PEAK1: variants seen among roughly 807,000 people sequenced by gnomAD.
The protein encoded by PEAK1 is inactive tyrosine-protein kinase PEAK1.
In PEAK1, 54 loss-of-function variants were observed where a neutral mutation model predicts 124.7. The observed-to-expected ratio is 0.43, with a 90% CI of 0.35 to 0.54. PEAK1 has a LOEUF of 0.54. PEAK1 is among the 20% of genes least tolerant of loss of function. PEAK1 has a pLI of 0.01. For synonymous variants in PEAK1, 719 were observed against 760.0 expected, an observed-to-expected ratio of 0.95 and a Z score of 0.89; for missense variants, 2,046 against 2,134.5, an observed-to-expected ratio of 0.96 and a Z score of 0.82.
intron 1 of PEAK1, among the ~76,000 whole-genome samples, chr15:77,379,340 T>A (rs2069289241): frequency 6.6e-6 from 1 of 152,204 alleles, no homozygotes. Flanking sequence ...CGTAAGAGAA[T>A]GTGAGTCACT....
chr15:77,135,728 T>C (rs574165848), intron 8 of PEAK1, among the ~76,000 whole-genome samples: 1 of 151,902 alleles, frequency 6.6e-6, no homozygotes, highest in African/African-American at 2.4e-5. Context: ...AAAAGAGGAG[T>C]TCCCCTGCAC....
At chr15:77,169,791 G>C (rs988660873) in intron 7 of PEAK1, among the ~76,000 whole-genome samples, 10 of 152,284 alleles carry the variant, frequency 6.6e-5, no homozygotes, top group African/African-American at 2.4e-4. Flanking sequence ...GGATGTTGGG[G>C]GTGAAGGAAA....
At chr15:77,105,716 T>TA (rs1555407999), downstream of PEAK1, 1 of 152,326 alleles carries the variant, frequency 6.6e-6, no homozygotes, top group Non-Finnish European at 1.5e-5. Flanking sequence ...GGTACACACT[T>TA]ACAACCCCAG....
intron 2 of PEAK1, among the ~76,000 whole-genome samples, chr15:77,312,501 T>C (rs1272898895): frequency 6.6e-6 from 1 of 152,192 alleles, no homozygotes; most frequent in Non-Finnish European, 1.5e-5. Context: ...TGGCTAAGAC[T>C]ATGTGTGGGG....
chr15:77,339,449 A>G (rs2066405150), intron 2 of PEAK1, among the ~76,000 whole-genome samples: 1 of 152,204 alleles, frequency 6.6e-6, no homozygotes, highest in South Asian at 2.1e-4. Context: ...TATGTTCTAA[A>G]TATTTTATAA....
Position 77,109,979 on chromosome 15 carries a change from T to C in PEAK1, c.*4177A>G, listed in dbSNP as rs548637567. 4.6e-5 allele frequency: 7 copies of C among 152,332 alleles called. No individual in the cohort carries two copies. The East Asian group carries it at 1.2e-3, about 25-fold the overall frequency. The allele number at this position is 152,332 out of a possible 1,614,324, so 9.4% of individuals were successfully genotyped here. Reference sequence around the variant, plus strand: ...TGGTAAAATCTAGAAGAAATCCTAATTGCAGTCAAATCTAGCGAAAACCCT... The same window carrying C: ...TGGTAAAATCTAGAAGAAATCCTAACTGCAGTCAAATCTAGCGAAAACCCT... On this transcript the variant is annotated 3_prime_UTR_variant, in exon 10 of 10. Transcript: ENST00000682557.
At chr15:77,268,871 A>C (rs1035550942) in intron 5 of PEAK1, among the ~76,000 whole-genome samples, 24 of 152,158 alleles carry the variant, frequency 1.6e-4, no homozygotes, top group African/African-American at 5.6e-4. Flanking sequence ...AGCCTCCTTA[A>C]ACAAAATAAT....
At chr15:77,196,193 G>A (rs1213065255) in intron 6 of PEAK1, among the ~76,000 whole-genome samples, 1 of 152,214 alleles carries the variant, frequency 6.6e-6, no homozygotes, top group Non-Finnish European at 1.5e-5. Context: ...TTGTCTGTCA[G>A]CCGGTGAAAG....
At chr15:77,382,627 A>C (rs2141833063) in intron 1 of PEAK1, among the ~76,000 whole-genome samples, 1 of 152,286 alleles carries the variant, frequency 6.6e-6, no homozygotes, top group East Asian at 1.9e-4. Flanking sequence ...AATGCTTGCC[A>C]CATTATAGGT....
chr15:77,348,930 C>A (rs142901367), intron 2 of PEAK1: 1 of 949,474 alleles, frequency 1.1e-6, no homozygotes, highest in South Asian at 4.9e-5. Context: ...GCATGACTTA[C>A]CATGTATGGA....
chr15:77,135,488 A>G (rs1368986292), intron 8 of PEAK1, among the ~76,000 whole-genome samples: 1 of 152,220 alleles, frequency 6.6e-6, no homozygotes, highest in Non-Finnish European at 1.5e-5. Flanking sequence ...GGTATAGCCC[A>G]CTGCTTATAG....
intron 6 of PEAK1, among the ~76,000 whole-genome samples, chr15:77,184,624 C>A (rs184922846): frequency 6.6e-6 from 1 of 152,180 alleles, no homozygotes; most frequent in African/African-American, 2.4e-5. Flanking sequence ...AGGCTGGGCG[C>A]GGTAGCTCAT....
intron 5 of PEAK1, among the ~76,000 whole-genome samples, chr15:77,264,837 C>T (rs1319084695): frequency 1.3e-5 from 2 of 151,878 alleles, no homozygotes; most frequent in Non-Finnish European, 2.9e-5. Context: ...AGGCATCACA[C>T]TACCTGACTT....
At chr15:77,350,817 T>A (rs1244668061) in intron 2 of PEAK1, 1 of 979,598 alleles carries the variant, frequency 1.0e-6, no homozygotes, top group Non-Finnish European at 1.2e-6. Flanking sequence ...CTAAAATTGA[T>A]AATTTGTAAT....
chr15:77,118,433 C>A (rs1321827479), intron 9 of PEAK1, among the ~76,000 whole-genome samples: 1 of 151,740 alleles, frequency 6.6e-6, no homozygotes, highest in Non-Finnish European at 1.5e-5. Flanking sequence ...AAAAAAAAAA[C>A]CTCAAAATGA....
chr15:77,337,723 G>C, intron 2 of PEAK1: 4 of 985,256 alleles, frequency 4.1e-6, no homozygotes, highest in Non-Finnish European at 3.6e-6. Flanking sequence ...TTATAGCACA[G>C]TTATGAACAT....
At chr15:77,266,602 A>G (rs2061746509) in intron 5 of PEAK1, among the ~76,000 whole-genome samples, 1 of 152,242 alleles carries the variant, frequency 6.6e-6, no homozygotes, top group South Asian at 2.1e-4. Flanking sequence ...TTGCCATATC[A>G]AGAATCAGGA....
At chr15:77,389,220 G>C (rs972285379) in intron 1 of PEAK1, among the ~76,000 whole-genome samples, 6 of 152,120 alleles carry the variant, frequency 3.9e-5, no homozygotes, top group Non-Finnish European at 7.3e-5. Context: ...CTCCCAAAGT[G>C]TTGGGATTAC....
intron 5 of PEAK1, among the ~76,000 whole-genome samples, chr15:77,253,471 G>C (rs562796436): frequency 1.3e-5 from 2 of 152,258 alleles, no homozygotes; most frequent in African/African-American, 4.8e-5. Context: ...CACCTTGGTG[G>C]TATTCATTTC....
Sources: gnomAD v4.1 joint callset for allele counts (sites outside exome capture counted in the v4.1 genomes callset) on GRCh38, gnomAD v4.1.1 for gene constraint, MANE v1.5 for transcripts, NCBI Gene and HGNC (gene_info 2026-07-23, HGNC 2026-07-21) for gene names.